Variants in ARHGAP44 observed in about 807,000 individuals in gnomAD.
The protein encoded by ARHGAP44 is rho GTPase-activating protein 44.
Under a neutral mutation model 106.8 loss-of-function variants are expected in ARHGAP44, and 43 were observed. That is an observed-to-expected ratio of 0.40 (90% confidence interval 0.32 to 0.52). ARHGAP44 has a LOEUF of 0.52. ARHGAP44 is among the 20% of genes least tolerant of loss of function. The pLI is 0.48. For synonymous variants in ARHGAP44, 439 were observed against 410.3 expected, an observed-to-expected ratio of 1.07 and a Z score of -0.85; for missense variants, 866 against 1,050.5, an observed-to-expected ratio of 0.82 and a Z score of 2.43.
chr17:12,964,553 G>A (rs2039344749), intron 16 of ARHGAP44, among the ~76,000 whole-genome samples: 1 of 152,188 alleles, frequency 6.6e-6, no homozygotes, highest in South Asian at 2.1e-4. Flanking sequence ...GGCCAAGGTG[G>A]GCGGATCACT....
At position 12,828,636 on chromosome 17, in the gene ARHGAP44, C is replaced by CTTTTT. The variant is rs34860101; in HGVS notation, c.53+38763_53+38767dup. Among the ~76,000 whole-genome samples, 152 of 93,198 alleles carry CTTTTT rather than the reference C, an allele frequency of 1.6e-3. 5 individuals carry two copies. The highest frequency in any genetic ancestry group is 4.7e-3 in the African/African-American group (103 of 22,116). The allele number at this position is 93,198 out of a possible 152,430, so 61.1% of individuals were successfully genotyped here. A position where few individuals can be genotyped will look rare whatever the true frequency, so the allele number is the denominator to read the frequency against. On this transcript the variant is annotated intron_variant, in intron 1 of 20. Coordinates refer to ENST00000379672, the MANE Select transcript of ARHGAP44 (RefSeq NM_014859.6). ...TTTTCTTTTGGATTTTTTTTTCTTT[C>CTTTTT]TTTTTTTTTTTTTTTTTTTTTTAAA...
intron 7 of ARHGAP44, among the ~76,000 whole-genome samples, chr17:12,934,164 C>T (rs2038480144): frequency 6.6e-6 from 1 of 152,126 alleles, no homozygotes; most frequent in Non-Finnish European, 1.5e-5. Context: ...AAATTCTTAT[C>T]CTTGCTTCAC....
At chr17:12,796,230 A>G (rs956570314) in intron 1 of ARHGAP44, among the ~76,000 whole-genome samples, 2 of 150,864 alleles carry the variant, frequency 1.3e-5, no homozygotes, top group African/African-American at 4.9e-5. Context: ...TTTTTCCTTT[A>G]TATTACATCT....
chr17:12,789,710 G>A lies in ARHGAP44; in HGVS notation c.-129G>A. The A allele has an allele frequency of 1.3e-6, 1 of 782,722 alleles. No homozygotes were observed. The highest frequency in any genetic ancestry group is 1.8e-6 in the Non-Finnish European group (1 of 562,804). 48.5% of individuals were successfully genotyped at this position (782,722 alleles called of 1,614,324 possible). A position where few individuals can be genotyped will look rare whatever the true frequency, so the allele number is the denominator to read the frequency against. ...GGGAGCTGCGCGCGGGCCAGACGGC[G>A]CCCGGAGGCTCCGCAGTGCCGCCGC... On this transcript the variant is annotated 5_prime_UTR_variant, in exon 1 of 21. Coordinates refer to ENST00000379672, the MANE Select transcript of ARHGAP44 (RefSeq NM_014859.6).
chr17:12,809,383 C>A (rs1050247388), intron 1 of ARHGAP44, among the ~76,000 whole-genome samples: 1 of 152,192 alleles, frequency 6.6e-6, no homozygotes, highest in Non-Finnish European at 1.5e-5. Flanking sequence ...TTAATTGACT[C>A]ACAGTTCCAC....
chr17:12,845,517 A>AAAAAAC (rs57515346), intron 1 of ARHGAP44, among the ~76,000 whole-genome samples: 25,035 of 141,756 alleles, frequency 0.18, 2,933 homozygotes, highest in African/African-American at 0.33. Flanking sequence ...AAAAAAAAAA[A>AAAAAAC]AAAAACAAAA....
intron 4 of ARHGAP44, 47 bp downstream of exon 4, chr17:12,909,020 C>G: frequency 6.6e-7 from 1 of 1,509,902 alleles, no homozygotes; most frequent in Non-Finnish European, 8.9e-7. Flanking sequence ...TAAGTAAGTC[C>G]CCATCCGTGA....
intron 1 of ARHGAP44, among the ~76,000 whole-genome samples, chr17:12,870,072 A>C (rs1379293584): frequency 2.1e-5 from 2 of 96,152 alleles, no homozygotes; most frequent in African/African-American, 4.0e-5. Context: ...TTTTTGAGAT[A>C]GAGTCTTGCT....
At chr17:12,966,133 ATGACATAGTGACACGC>A (rs1434847815) in intron 16 of ARHGAP44, among the ~76,000 whole-genome samples, 1 of 149,146 alleles carries the variant, frequency 6.7e-6, no homozygotes, top group African/African-American at 2.5e-5. Flanking sequence ...TCCAGCATGG[ATGACATAGTGACACGC>A]TGTCTCAAAA....
chr17:12,884,200 A>G (rs2036818615), intron 1 of ARHGAP44, among the ~76,000 whole-genome samples: 1 of 152,066 alleles, frequency 6.6e-6, no homozygotes, highest in South Asian at 2.1e-4. Context: ...ATCTGAGCTG[A>G]GCATCTTTTG....
chr17:12,808,227 G>A (rs1242160842), intron 1 of ARHGAP44, among the ~76,000 whole-genome samples: 3 of 152,202 alleles, frequency 2.0e-5, no homozygotes, highest in Non-Finnish European at 4.4e-5. Flanking sequence ...TTTTCCAGAC[G>A]CATGGTACAA....
chr17:12,866,005 T>C (rs1356932666), intron 1 of ARHGAP44, among the ~76,000 whole-genome samples: 3 of 152,034 alleles, frequency 2.0e-5, no homozygotes, highest in Admixed American at 2.0e-4. Context: ...AAAACCCTAA[T>C]AATAGCTTGA....
At chr17:12,970,365 C>CAAAAA (rs66577680) in intron 16 of ARHGAP44, among the ~76,000 whole-genome samples, 5 of 55,150 alleles carry the variant, frequency 9.1e-5, no homozygotes, top group Non-Finnish European at 2.1e-4. Flanking sequence ...GACCCTGTCT[C>CAAAAA]AAAAAAAAAA....
rs1012987130 is a variant in ARHGAP44 at position 12,987,921 on chromosome 17, A to T, written c.2318-2111A>T. On this transcript the variant is annotated intron_variant, in intron 20 of 20. Coordinates refer to ENST00000379672, the MANE Select transcript of ARHGAP44 (RefSeq NM_014859.6). ...CTGAGGGAAAGGCACGAAGGAAGCC[A>T]GAAGGACTTTGGTGTATTTGCCTCA... The T allele has an allele frequency of 5.9e-5, 9 of 152,370 alleles. 1 individual carries two copies. Among genetic ancestry groups the T allele is most frequent in the East Asian group, 1.9e-4 (1 of 5,176 alleles). 9.4% of individuals were successfully genotyped at this position (152,370 alleles called of 1,614,324 possible). A position where few individuals can be genotyped will look rare whatever the true frequency, so the allele number is the denominator to read the frequency against.
At chr17:12,943,918 C>G in intron 9 of ARHGAP44, 151 bp from the exon 10 acceptor site, 1 of 1,206,044 alleles carries the variant, frequency 8.3e-7, no homozygotes, top group Non-Finnish European at 1.1e-6. Context: ...TCCAGTCCTC[C>G]TGTCATCCTT....
At chr17:12,979,759 C>T (rs983567158) in intron 18 of ARHGAP44, among the ~76,000 whole-genome samples, 5 of 152,238 alleles carry the variant, frequency 3.3e-5, no homozygotes, top group Non-Finnish European at 7.3e-5. Flanking sequence ...GCTCAGGCCC[C>T]TGCCCTCACA....
chr17:12,865,007 C>T (rs918025147), intron 1 of ARHGAP44, among the ~76,000 whole-genome samples: 3 of 151,616 alleles, frequency 2.0e-5, no homozygotes, highest in African/African-American at 4.9e-5. Context: ...AAGAGTGCCT[C>T]GAGGAGAAAA....
At chr17:12,921,335 G>A (rs754209434) in intron 6 of ARHGAP44, among the ~76,000 whole-genome samples, 4 of 151,818 alleles carry the variant, frequency 2.6e-5, no homozygotes, top group African/African-American at 4.8e-5. Flanking sequence ...CCAAAGTGCT[G>A]GGAAATTTTT....
rs768179975 is a variant in ARHGAP44 at position 12,974,143 on chromosome 17, C to G, written c.1596C>G (p.Ala532=). Reference sequence around the variant, plus strand: ...GGGTGGCTCGAAGAGGCTCCTCGGCCGGTCGGAAAGTGTCCTGCGCCCCGC... The same window carrying G: ...GGGTGGCTCGAAGAGGCTCCTCGGCGGGTCGGAAAGTGTCCTGCGCCCCGC... The part of the protein sequence containing the change: ...TNWVARRGSS[A]GRKVSCAPPS... Residue 532 remains alanine (A), a synonymous_variant, in exon 18 of 21, where the codon GCC becomes GCG. Transcript: ENST00000379672. 1.3e-6 allele frequency: 2 copies of G among 1,564,126 alleles called. No homozygotes were observed. The highest frequency in any genetic ancestry group is 2.4e-5 in the East Asian group (1 of 41,930).
Sources: allele counts gnomAD v4.1 joint callset (sites outside exome capture counted in the v4.1 genomes callset), GRCh38; gene constraint gnomAD v4.1.1; transcripts MANE v1.5; gene names NCBI Gene and HGNC (gene_info 2026-07-23, HGNC 2026-07-21).